The following SERINC4 variants were observed in gnomAD, a reference collection of about 807,000 sequenced individuals.
The protein encoded by SERINC4 is serine incorporator 4.
In SERINC4, 52 loss-of-function variants were observed where a neutral mutation model predicts 52.0. The observed-to-expected ratio is 1.00, with a 90% CI of 0.80 to 1.26. The LOEUF is 1.26. SERINC4 is among the 50% of genes most tolerant of loss of function. The probability of loss-of-function intolerance (pLI) is 0.00; values close to 1 mark genes in which losing one functional copy is unlikely to be tolerated. For synonymous variants in SERINC4, 264 were observed against 247.7 expected (o/e 1.07, Z -0.62); for missense variants, 723 against 632.8 (o/e 1.14, Z -1.53).
chr15:43,797,822 TG>T, intron 5 of SERINC4, 97 bp downstream of exon 5: 1 of 804,736 alleles, frequency 1.2e-6, no homozygotes, highest in Non-Finnish European at 2.1e-6. Flanking sequence ...TGGGAAGCTG[TG>T]GGACCAGTGC....
chr15:43,794,755 G>A lies in SERINC4; in HGVS notation c.*245C>T, dbSNP rs1398545438. ...GCTGGGATCAGCGGTGGTTCTTTGAGCTGCTGATTTGGGTGTTAGGCTCTT... is the reference window on the plus strand; with the variant it reads ...GCTGGGATCAGCGGTGGTTCTTTGAACTGCTGATTTGGGTGTTAGGCTCTT... On this transcript the variant is annotated 3_prime_UTR_variant, in exon 12 of 12. Coordinates refer to ENST00000319327, the MANE Select transcript of SERINC4 (RefSeq NM_001258031.2). 8.5e-6 allele frequency: 4 copies of A among 469,198 alleles called. No individual in the cohort carries two copies. The highest frequency in any genetic ancestry group is 1.9e-5 in the African/African-American group (1 of 52,004). The allele number at this position is 469,198 out of a possible 1,614,324, so 29.1% of individuals were successfully genotyped here.
At chr15:43,798,796 A>C (rs2087260877) in intron 3 of SERINC4, 163 bp downstream of exon 3, 4 of 720,470 alleles carry the variant, frequency 5.6e-6, no homozygotes, top group Non-Finnish European at 9.4e-6. Context: ...CTAGAAGCAC[A>C]AAGTCTGGCT....
Position 43,799,942 on chromosome 15 carries a change from G to T in SERINC4, c.45C>A (p.Gly15=), listed in dbSNP as rs1269735856. The change falls in exon 1 of 12, where the codon GGC becomes GGA. Residue 15 remains glycine, a synonymous_variant. Transcript: ENST00000319327. ...TGCCTCCGCTGTGCTGCTGTGCCAG[G>T]CCCAGGGAGGTGCCGGGGCTGGGGC... is the stretch of plus-strand genomic sequence containing the variant. The part of the protein sequence containing the change: ...KAGPSPGTSL[G]LAQQHSGGSS... The T allele has an allele frequency of 1.3e-6, 2 of 1,548,980 alleles. No homozygotes were observed. Among genetic ancestry groups the T allele is most frequent in the African/African-American group, 2.7e-5 (2 of 72,954 alleles).
At chr15:43,795,636 T>C (rs181235842) in intron 10 of SERINC4, 52 bp downstream of exon 10, 43 of 1,610,980 alleles carry the variant, frequency 2.7e-5, no homozygotes, top group Non-Finnish European at 3.4e-5. Flanking sequence ...AGGGTTCTTA[T>C]GGCACTCCAC....
chr15:43,798,707 A>G, intron 3 of SERINC4: 5 of 624,504 alleles, frequency 8.0e-6, no homozygotes, highest in South Asian at 7.9e-5. Context: ...AAGATACTTA[A>G]TAGCATCTGG....
intron 3 of SERINC4, 194 bp downstream of exon 3, chr15:43,798,765 C>A: frequency 3.1e-6 from 2 of 640,748 alleles, no homozygotes; most frequent in African/African-American, 1.8e-5. Flanking sequence ...GATAACCCCA[C>A]TGTTACCTCC....
intron 1 of SERINC4, 66 bp downstream of exon 1, chr15:43,799,819 G>A: frequency 8.0e-7 from 1 of 1,249,364 alleles, no homozygotes. Flanking sequence ...GAGGCCTGTC[G>A]TTTTTATTGG....
Position 43,795,470 on chromosome 15 carries a change from G to T in SERINC4, c.1261C>A (p.Leu421Ile), listed in dbSNP as rs1300665479. ...TGGAAGGCAGAATAGTTGTAGGAAA[G>T]ATGCTGGACTTGGACTGGAGGAGCT... ...PPAPPVQVQH[L>I]SYNYSAFHFV... The change falls in exon 11 of 12, where the codon CTT (leucine) becomes ATT (isoleucine). Residue 421 changes from leucine (L) to isoleucine (I), a missense_variant. Transcript: ENST00000319327. 6.2e-7 allele frequency: 1 copy of T among 1,614,236 alleles called. No homozygotes were observed.
chr15:43,795,635 A>AT, intron 10 of SERINC4, 53 bp downstream of exon 10: 1 of 1,610,256 alleles, frequency 6.2e-7, no homozygotes. Context: ...GAGGGTTCTT[A>AT]TGGCACTCCA....
rs779702234 is a variant in SERINC4 at position 43,796,697 on chromosome 15, C to T, written c.986G>A (p.Ser329Asn). Reference protein sequence around the residue: ...QNHTLCLPGLSKMEPQTPDIS... With the variant: ...QNHTLCLPGLNKMEPQTPDIS... ...ATCTGGTGTTTGGGGTTCCATTTTA[C>T]TCAGGCCAGGCAGGCACAGGGTGTG... The change falls in exon 8 of 12, where the codon AGT (serine) becomes AAT (asparagine). Residue 329 changes from serine (S) to asparagine (N), a missense_variant. Physicochemically the swap from Ser to Asn is conservative, Grantham distance 46. Coordinates refer to ENST00000319327, the MANE Select transcript of SERINC4 (RefSeq NM_001258031.2). 1.2e-6 allele frequency: 2 copies of T among 1,614,182 alleles called. No individual in the cohort carries two copies. Among genetic ancestry groups the T allele is most frequent in the South Asian group, 1.1e-5 (1 of 91,084 alleles).
In SERINC4 at chr15:43,794,672, C is replaced by A. The variant is rs968764659; in HGVS notation, c.*328G>T. 7.4e-6 allele frequency: 2 copies of A among 268,978 alleles called. No individual in the cohort carries two copies. Among genetic ancestry groups the A allele is most frequent in the Non-Finnish European group, 1.4e-5 (2 of 140,354 alleles). The allele number at this position is 268,978 out of a possible 1,614,324, so 16.7% of individuals were successfully genotyped here. On this transcript the variant is annotated 3_prime_UTR_variant, in exon 12 of 12. Transcript: ENST00000319327. The stretch of plus-strand genomic sequence containing the variant: ...AGCCGAGTCTTCAGTCCCTGTTGGT[C>A]TTTCCCCACCCCCACTTCCAGCCCA...
At position 43,799,502 on chromosome 15, in the gene SERINC4, A is replaced by T. The variant is rs1417358506; in HGVS notation, c.103-16T>A. ...AGCAGCACACCTGGGAGTAGAGCAG[A>T]TGCAAGGCAGCGAGGTGGAGACTTG... On this transcript the variant is annotated splice_polypyrimidine_tract_variant and intron_variant, in intron 1 of 11. Transcript: ENST00000319327. 1 of 1,550,880 alleles carries T rather than the reference A, an allele frequency of 6.4e-7. No individual in the cohort carries two copies. The highest frequency in any genetic ancestry group is 8.7e-7 in the Non-Finnish European group (1 of 1,147,050).
In SERINC4 at chr15:43,798,029, CAGT is replaced by C; in HGVS notation, c.539-19_539-17del. The C allele has an allele frequency of 3.8e-6, 6 of 1,580,984 alleles. No homozygotes were observed. Among genetic ancestry groups the C allele is most frequent in the Non-Finnish European group, 5.2e-6 (6 of 1,155,172 alleles). On this transcript the variant is annotated splice_polypyrimidine_tract_variant and intron_variant, in intron 4 of 11. Coordinates refer to ENST00000319327, the MANE Select transcript of SERINC4 (RefSeq NM_001258031.2). ...TAATGCCATGCTGCAAGATGGGCAC[CAGT>C]GGAAAAATGTCAAATTGTTACTTTT... is the stretch of plus-strand genomic sequence containing the variant.
rs1567169589 is a variant in SERINC4, at chr15:43,794,803, G to C, written c.*197C>G. 1.8e-6 allele frequency: 1 copy of C among 555,426 alleles called. No homozygotes were observed. Among genetic ancestry groups the C allele is most frequent in the Non-Finnish European group, 3.2e-6 (1 of 312,428 alleles). 34.4% of individuals were successfully genotyped at this position (555,426 alleles called of 1,614,324 possible). A position where few individuals can be genotyped will look rare whatever the true frequency, so the allele number is the denominator to read the frequency against. Reference sequence around the variant, plus strand: ...CTTGAGCTGGGATGCAGATGTAACAGTAGCTCCAGTGAGTCAGACACTCTG... The same window carrying C: ...CTTGAGCTGGGATGCAGATGTAACACTAGCTCCAGTGAGTCAGACACTCTG... On this transcript the variant is annotated 3_prime_UTR_variant, in exon 12 of 12. Coordinates refer to ENST00000319327, the MANE Select transcript of SERINC4 (RefSeq NM_001258031.2).
rs2087260928 is a variant in SERINC4, at chr15:43,798,799, G to GT, written c.458+159dup. ...CCATTTTAGATGCTAGAAGCACAAA[G>GT]TCTGGCTCAAGGTTACACAGCAAGT... is the stretch of plus-strand genomic sequence containing the variant. On this transcript the variant is annotated intron_variant, in intron 3 of 11. Transcript: ENST00000319327. The GT allele has an allele frequency of 9.6e-6, 7 of 729,708 alleles. No individual in the cohort carries two copies. In the Admixed American group the frequency reaches 1.8e-4, roughly 19 times the overall value. 45.2% of individuals were successfully genotyped at this position (729,708 alleles called of 1,614,324 possible).
At chr15:43,799,657 G>A in intron 1 of SERINC4, 171 bp from the exon 2 acceptor site, 1 of 914,844 alleles carries the variant, frequency 1.1e-6, no homozygotes, top group Non-Finnish European at 1.8e-6. Context: ...TGGGATTGCC[G>A]CCCACTGACA....
chr15:43,798,133 T>A, intron 4 of SERINC4, 120 bp from the exon 5 acceptor site: 5 of 704,016 alleles, frequency 7.1e-6, no homozygotes, highest in Non-Finnish European at 9.7e-6. Flanking sequence ...CACTGCAACC[T>A]CTGCCTCCCG....
At position 43,799,160 on chromosome 15, in the gene SERINC4, T is replaced by C. The variant is rs554281801; in HGVS notation, c.280-23A>G. The stretch of plus-strand genomic sequence containing the variant: ...GATCTGGGAGTGTGTGTGAGAGAAA[T>C]GGCAGGACAAGTCATAATGCATGGA... On this transcript the variant is annotated intron_variant, in intron 2 of 11. Coordinates refer to ENST00000319327, the MANE Select transcript of SERINC4 (RefSeq NM_001258031.2). 418 of 1,542,522 alleles carry C rather than the reference T, an allele frequency of 2.7e-4. 2 individuals carry two copies. Among genetic ancestry groups the C allele is most frequent in the Non-Finnish European group, 3.6e-4 (410 of 1,140,468 alleles).
intron 5 of SERINC4, 34 bp downstream of exon 5, chr15:43,797,886 C>T (rs774274932): frequency 3.3e-6 from 5 of 1,517,060 alleles, no homozygotes; most frequent in Middle Eastern, 3.4e-4. Context: ...AGAAACCTCC[C>T]CAGGAAAAGC....
Sources: allele counts gnomAD v4.1 joint callset, GRCh38; gene constraint gnomAD v4.1.1; transcripts MANE v1.5; gene names NCBI Gene and HGNC (gene_info 2026-07-23, HGNC 2026-07-21).